The following TRIM24 variants were observed in gnomAD, a reference collection of about 807,000 sequenced individuals.
TRIM24 encodes tripartite motif containing 24, also known as transcription intermediary factor 1-alpha.
Under a neutral mutation model 123.9 loss-of-function variants are expected in TRIM24, and 29 were observed. The ratio of observed to expected loss-of-function variants is 0.23; its 90% CI spans 0.17 to 0.32. TRIM24 has a LOEUF of 0.32. TRIM24 is among the 10% of genes least tolerant of loss of function. The probability of loss-of-function intolerance (pLI) is 1.00; values close to 1 mark genes in which losing one functional copy is unlikely to be tolerated. For synonymous variants in TRIM24, 456 were observed against 461.1 expected (o/e 0.99, Z 0.14); for missense variants, 932 against 1,295.3 (o/e 0.72, Z 4.31).
intron 7 of TRIM24, among the ~76,000 whole-genome samples, chr7:138,546,287 A>G (rs1797101153): frequency 6.6e-6 from 1 of 152,210 alleles, no homozygotes; most frequent in Non-Finnish European, 1.5e-5. Flanking sequence ...CCCAGGTTAA[A>G]GGTCATCCTG....
intron 9 of TRIM24, 100 bp from the exon 10 acceptor site, chr7:138,567,381 C>G: frequency 9.0e-7 from 1 of 1,114,822 alleles, no homozygotes; most frequent in South Asian, 1.9e-5. Context: ...TGATCTGTGG[C>G]AGAGTTCTAT....
At chr7:138,550,383 T>A (rs930697807) in intron 7 of TRIM24, among the ~76,000 whole-genome samples, 19 of 151,744 alleles carry the variant, frequency 1.3e-4, no homozygotes, top group African/African-American at 4.6e-4. Context: ...GTAGGATTAT[T>A]GGTATTTGGG....
Position 138,570,871 on chromosome 7 carries a change from C to G in TRIM24, c.1746C>G (p.Asn582Lys), listed in dbSNP as rs1797639937. ...GACAGGGAACCCCATCAACTACCAACAGCACATCCTCTACTCCTTCCAGCC... is the reference window on the plus strand; with the variant it reads ...GACAGGGAACCCCATCAACTACCAAGAGCACATCCTCTACTCCTTCCAGCC... ...SSGQGTPSTT[N>K]STSSTPSSPT... The change falls in exon 11 of 19, where the codon AAC (asparagine) becomes AAG (lysine). Residue 582 changes from asparagine to lysine, a missense_variant. Physicochemically the swap from Asn to Lys is moderately conservative, Grantham distance 94. This residue lies in a region of TRIM24 where 527 missense variants were observed against 691.3 expected (regional missense o/e 0.76). Coordinates refer to ENST00000343526, the MANE Select transcript of TRIM24 (RefSeq NM_015905.3). 6.2e-6 allele frequency: 10 copies of G among 1,614,160 alleles called. No individual in the cohort carries two copies. In the East Asian group the frequency reaches 2.2e-4, roughly 36 times the overall value.
At chr7:138,560,112 A>G (rs1797395647) in intron 9 of TRIM24, among the ~76,000 whole-genome samples, 1 of 152,180 alleles carries the variant, frequency 6.6e-6, no homozygotes, top group African/African-American at 2.4e-5. Flanking sequence ...TCAGAGGAGG[A>G]CCATGGGCAG....
At chr7:138,545,713 A>G (rs929947933) in intron 7 of TRIM24, among the ~76,000 whole-genome samples, 4 of 151,940 alleles carry the variant, frequency 2.6e-5, no homozygotes, top group Non-Finnish European at 2.9e-5. Flanking sequence ...AAAGGGGGGG[A>G]AAGTAAAAGT....
At chr7:138,474,119 G>T (rs1270516547) in intron 1 of TRIM24, among the ~76,000 whole-genome samples, 1 of 132,782 alleles carries the variant, frequency 7.5e-6, no homozygotes, top group African/African-American at 2.9e-5. Flanking sequence ...GATTTATCTT[G>T]TACTTTTTCT....
Position 138,508,700 on chromosome 7 carries a change from C to CGCGCGCGT in TRIM24, c.483+4293_483+4294insCGCGCGTG, listed in dbSNP as rs1182276337. ...GTGTGTGTGTGTGTGTGTGCGCGCGCGTGTGTGCGTGTGTGTGTGCGTGTG... is the reference window on the plus strand; with the variant it reads ...GTGTGTGTGTGTGTGTGTGCGCGCGCGCGCGCGTGTGTGTGCGTGTGTGTGTGCGTGTG... On this transcript the variant is annotated intron_variant, in intron 2 of 18. Coordinates refer to ENST00000343526, the MANE Select transcript of TRIM24 (RefSeq NM_015905.3). Among the ~76,000 whole-genome samples the CGCGCGCGT allele has an allele frequency of 5.0e-3, 179 of 35,532 alleles. 2 individuals carry two copies. The highest frequency in any genetic ancestry group is 0.012 in the African/African-American group (169 of 13,798). The allele number at this position is 35,532 out of a possible 152,430, so 23.3% of individuals were successfully genotyped here.
At chr7:138,574,462 A>G (rs1797716744) in intron 12 of TRIM24, among the ~76,000 whole-genome samples, 1 of 152,250 alleles carries the variant, frequency 6.6e-6, no homozygotes, top group Admixed American at 6.5e-5. Flanking sequence ...TGTTTATCAT[A>G]TGACAAGTTT....
At position 138,587,407 on chromosome 7, in the gene TRIM24, TTTAGA is replaced by T. The variant is rs1798039225; in HGVS notation, c.*2460_*2464del. The T allele has an allele frequency of 6.6e-6, 1 of 152,214 alleles. No individual in the cohort carries two copies. Among genetic ancestry groups the T allele is most frequent in the African/African-American group, 2.4e-5 (1 of 41,450 alleles). The allele number at this position is 152,214 out of a possible 1,614,324, so 9.4% of individuals were successfully genotyped here. ...TGTAAATAGCCTTTGTGTAATGGTC[TTTAGA>T]TTAATATCCTTTGACTTTATTAATA... On this transcript the variant is annotated 3_prime_UTR_variant, in exon 19 of 19. Coordinates refer to ENST00000343526, the MANE Select transcript of TRIM24 (RefSeq NM_015905.3).
At chr7:138,508,698 C>CGTGTGT (rs1554436644) in intron 2 of TRIM24, among the ~76,000 whole-genome samples, 104 of 30,440 alleles carry the variant, frequency 3.4e-3, no homozygotes, top group African/African-American at 7.9e-3. Flanking sequence ...TGTGTGCGCG[C>CGTGTGT]GCGTGTGTGC....
intron 1 of TRIM24, chr7:138,490,605 C>T (rs1795760062): frequency 3.7e-6 from 1 of 272,718 alleles, no homozygotes. Context: ...TGGTTCATAT[C>T]CAACAGCTCA....
At chr7:138,522,571 A>T (rs1796525706) in intron 4 of TRIM24, among the ~76,000 whole-genome samples, 1 of 152,198 alleles carries the variant, frequency 6.6e-6, no homozygotes, top group Admixed American at 6.5e-5. Flanking sequence ...AAAGGAAAAA[A>T]TTATTTAGAA....
intron 1 of TRIM24, among the ~76,000 whole-genome samples, chr7:138,467,599 C>G (rs1169048944): frequency 6.6e-6 from 1 of 152,160 alleles, no homozygotes; most frequent in African/African-American, 2.4e-5. Context: ...CCTCGGCCTC[C>G]CAAAGTGCTG....
At chr7:138,539,888 C>T (rs1796969131) in intron 7 of TRIM24, among the ~76,000 whole-genome samples, 1 of 151,150 alleles carries the variant, frequency 6.6e-6, no homozygotes, top group Non-Finnish European at 1.5e-5. Context: ...GCAAGCTCCA[C>T]CTCGCCGGTT....
intron 7 of TRIM24, among the ~76,000 whole-genome samples, chr7:138,541,953 C>A (rs1399869796): frequency 6.6e-6 from 1 of 152,196 alleles, no homozygotes; most frequent in Admixed American, 6.5e-5. Flanking sequence ...TTAAAACTTT[C>A]TTTTGCAGCT....
Position 138,538,659 on chromosome 7 carries a change from C to A in TRIM24, c.999C>A (p.Ser333Arg). 1 of 1,613,820 alleles carries A rather than the reference C, an allele frequency of 6.2e-7. No homozygotes were observed. The highest frequency in any genetic ancestry group is 8.5e-7 in the Non-Finnish European group (1 of 1,179,842). ...KGKALLHQLE[S>R]LAKDHRMKLM... ...TGAAACTATTTTCTTGTTTTCAGAG[C>A]CTTGCAAAGGACCATCGCATGAAAC... The change falls in exon 7 of 19, where the codon AGC becomes AGA. Residue 333 changes from serine (S) to arginine (R), a missense_variant and splice_region_variant. Physicochemically the swap from Ser to Arg is moderately radical, Grantham distance 110. Transcript: ENST00000343526.
At chr7:138,478,821 A>G (rs1175864732) in intron 1 of TRIM24, among the ~76,000 whole-genome samples, 1 of 152,164 alleles carries the variant, frequency 6.6e-6, no homozygotes, top group Non-Finnish European at 1.5e-5. Flanking sequence ...TAAAGTCACT[A>G]GAGGTTAGTT....
intron 1 of TRIM24, among the ~76,000 whole-genome samples, chr7:138,493,849 C>T (rs1284924234): frequency 1.3e-5 from 2 of 152,110 alleles, no homozygotes; most frequent in African/African-American, 4.8e-5. Flanking sequence ...TTGATAATAC[C>T]AATAACCTTA....
intron 15 of TRIM24, 45 bp downstream of exon 15, chr7:138,579,577 T>G: frequency 6.8e-7 from 1 of 1,476,170 alleles, no homozygotes; most frequent in African/African-American, 1.4e-5. Flanking sequence ...TGTAAACTTT[T>G]GAAGATTATT....
Sources: gnomAD v4.1 joint callset for allele counts (sites outside exome capture counted in the v4.1 genomes callset) on GRCh38, gnomAD v4.1.1 for gene constraint, gnomAD v4.1.1 regional missense constraint, MANE v1.5 for transcripts, NCBI Gene and HGNC (gene_info 2026-07-23, HGNC 2026-07-21) for gene names.